The following TMEM236 variants were observed in gnomAD, a reference collection of about 807,000 sequenced individuals.
TMEM236 encodes the protein family with sequence similarity 23, member A.
TMEM236 carries 11 observed loss-of-function variants against 14.7 expected under a neutral mutation model. The ratio of observed to expected loss-of-function variants is 0.75; its 90% confidence interval spans 0.47 to 1.24. TMEM236 has a LOEUF of 1.24. Among genes scored for constraint, TMEM236 ranks in the 50% most tolerant of loss-of-function variants. The pLI, the probability that TMEM236 is intolerant of heterozygous loss-of-function variation, is 0.00. For missense variants in TMEM236, 464 were observed against 427.3 expected (o/e 1.09, Z -0.76); for synonymous variants, 182 against 168.6 (o/e 1.08, Z -0.62).
At position 17,800,829 on chromosome 10, in the gene TMEM236, C is replaced by A. The variant is rs1460416365; in HGVS notation, c.*4325C>A. The stretch of plus-strand genomic sequence containing the variant: ...AAAGACATTTTGTTTTACAATGGGG[C>A]TGTTTTTACATGTTAATTAAAATTC... On this transcript the variant is annotated 3_prime_UTR_variant, in exon 4 of 4. Coordinates refer to ENST00000377495, the MANE Select transcript of TMEM236 (RefSeq NM_001098844.3). 6.6e-6 allele frequency: 1 copy of A among 152,148 alleles called. No homozygotes were observed. The highest frequency in any genetic ancestry group is 2.4e-5 in the African/African-American group (1 of 41,430). The allele number at this position is 152,148 out of a possible 1,614,324, so 9.4% of individuals were successfully genotyped here.
At chr10:17,763,974 A>C (rs1334115290) in intron 1 of TMEM236, among the ~76,000 whole-genome samples, 2 of 152,172 alleles carry the variant, frequency 1.3e-5, no homozygotes, top group Non-Finnish European at 2.9e-5. Context: ...GTCGTATGTA[A>C]AATTATTTCC....
chr10:17,752,608 C>T, intron 1 of TMEM236, 56 bp downstream of exon 1: 1 of 1,575,164 alleles, frequency 6.3e-7, no homozygotes, highest in Non-Finnish European at 8.7e-7. Flanking sequence ...GCTCTGTCAC[C>T]CAGGCTGGAG....
rs1378724059 is a variant in TMEM236 at position 17,796,239 on chromosome 10, G to C, written c.791G>C (p.Ser264Thr). 3.0e-5 allele frequency: 49 copies of C among 1,613,836 alleles called. No homozygotes were observed. The highest frequency in any genetic ancestry group is 3.9e-5 in the Non-Finnish European group (46 of 1,179,874). Reference protein sequence around the residue: ...VAGHPNVYKSSWLYPVYIFSF... With the variant: ...VAGHPNVYKSTWLYPVYIFSF... ...GGTCACCCCAACGTGTACAAGTCAAGCTGGCTATACCCAGTCTACATATTC... is the reference window on the plus strand; with the variant it reads ...GGTCACCCCAACGTGTACAAGTCAACCTGGCTATACCCAGTCTACATATTC... Residue 264 changes from serine (S) to threonine (T), a missense_variant, in exon 4 of 4, where the codon AGC (serine) becomes ACC (threonine). Ser to Thr is a moderately conservative substitution (Grantham distance 58). Transcript: ENST00000377495.
intron 1 of TMEM236, among the ~76,000 whole-genome samples, chr10:17,763,672 G>A (rs1442112400): frequency 2.0e-5 from 3 of 152,158 alleles, no homozygotes; most frequent in African/African-American, 7.2e-5. Context: ...AGATGGGTGT[G>A]GGAGGGCATC....
At chr10:17,766,853 T>G (rs185574430) in intron 1 of TMEM236, among the ~76,000 whole-genome samples, 65,238 of 151,760 alleles carry the variant, frequency 0.43, 14,009 homozygotes, top group African/African-American at 0.48. Context: ...CTTGCTTCTG[T>G]TGTTTTTTTT....
chr10:17,796,139 C>A lies in TMEM236; in HGVS notation c.691C>A (p.Arg231=). The change falls in exon 4 of 4, where the codon CGA becomes AGA. Residue 231 remains arginine, a synonymous_variant. Coordinates refer to ENST00000377495, the MANE Select transcript of TMEM236 (RefSeq NM_001098844.3). The part of the protein sequence containing the change: ...DSGILRMMSR[R]DVRAELFLWS... ...CGGAATCCTGAGAATGATGTCCCGGCGAGATGTCCGGGCAGAGTTATTCTT... is the reference window on the plus strand; with the variant it reads ...CGGAATCCTGAGAATGATGTCCCGGAGAGATGTCCGGGCAGAGTTATTCTT... 6.2e-7 allele frequency: 1 copy of A among 1,613,834 alleles called. No homozygotes were observed. Among genetic ancestry groups the A allele is most frequent in the Non-Finnish European group, 8.5e-7 (1 of 1,179,842 alleles).
In TMEM236 at chr10:17,783,435, T is replaced by G. The variant is rs1055672786; in HGVS notation, c.472+7265T>G. 2.0e-5 allele frequency among the ~76,000 whole-genome samples: 3 copies of G among 152,282 alleles called. No homozygotes were observed. In the South Asian group the frequency reaches 6.2e-4, roughly 32 times the overall value. On this transcript the variant is annotated intron_variant, in intron 3 of 3. Transcript: ENST00000377495. The stretch of plus-strand genomic sequence containing the variant: ...TCCCTGCAAAGGAGGCGGTTTCCAC[T>G]ATCACATCAGCGAGAGGTGCCCGGT...
Position 17,796,023 on chromosome 10 carries a change from C to A in TMEM236, c.575C>A (p.Thr192Asn), listed in dbSNP as rs988526312. The change falls in exon 4 of 4, where the codon ACC (threonine) becomes AAC (asparagine). Residue 192 changes from threonine to asparagine, a missense_variant. Transcript: ENST00000377495. ...GAAAACGCTGCATCTCCCCAGGCAA[C>A]CAACAGCACCCAGGTGTCGCAGCCA... is the stretch of plus-strand genomic sequence containing the variant. ...SPENAASPQATNSTQVSQPSG... is the reference protein window; with the variant it reads ...SPENAASPQANNSTQVSQPSG... The A allele has an allele frequency of 2.5e-5, 40 of 1,613,820 alleles. No individual in the cohort carries two copies. The highest frequency in any genetic ancestry group is 3.1e-5 in the Non-Finnish European group (37 of 1,179,866).
At chr10:17,762,103 G>T (rs1357497196) in intron 1 of TMEM236, among the ~76,000 whole-genome samples, 1 of 152,166 alleles carries the variant, frequency 6.6e-6, no homozygotes, top group Admixed American at 6.5e-5. Flanking sequence ...ACTGCCACTT[G>T]TATGGTGACA....
At chr10:17,795,757 T>C (rs1838000999) in intron 3 of TMEM236, among the ~76,000 whole-genome samples, 164 bp from the exon 4 acceptor site, 1 of 152,202 alleles carries the variant, frequency 6.6e-6, no homozygotes, top group African/African-American at 2.4e-5. Context: ...CTGCATGTCC[T>C]GCACATGTAT....
chr10:17,783,924 T>C (rs1202395034), intron 3 of TMEM236, among the ~76,000 whole-genome samples: 1 of 152,174 alleles, frequency 6.6e-6, no homozygotes, highest in Non-Finnish European at 1.5e-5. Context: ...TGGCCATTTT[T>C]CTTTTATTTT....
intron 3 of TMEM236, among the ~76,000 whole-genome samples, chr10:17,789,164 A>T (rs1284737942): frequency 6.6e-6 from 1 of 152,172 alleles, no homozygotes; most frequent in Admixed American, 6.5e-5. Flanking sequence ...TCACCTGTGT[A>T]GGTTATATCT....
At chr10:17,757,489 C>A (rs1837300244) in intron 1 of TMEM236, among the ~76,000 whole-genome samples, 1 of 151,636 alleles carries the variant, frequency 6.6e-6, no homozygotes, top group African/African-American at 2.4e-5. Context: ...GTCTCAGCTG[C>A]TCTGGGAGCT....
At chr10:17,757,424 C>A (rs973308164) in intron 1 of TMEM236, among the ~76,000 whole-genome samples, 66 of 151,562 alleles carry the variant, frequency 4.4e-4, no homozygotes, top group African/African-American at 1.6e-3. Flanking sequence ...GTAGTGAGAC[C>A]CTGTCTCTAC....
intron 3 of TMEM236, among the ~76,000 whole-genome samples, chr10:17,780,945 A>T (rs2131756979): frequency 6.6e-6 from 1 of 152,234 alleles, no homozygotes; most frequent in Non-Finnish European, 1.5e-5. Context: ...ACTGGGTGTG[A>T]TGTTTACATA....
intron 1 of TMEM236, among the ~76,000 whole-genome samples, chr10:17,764,317 A>G (rs956308600): frequency 2.0e-5 from 3 of 152,080 alleles, no homozygotes; most frequent in Non-Finnish European, 2.9e-5. Flanking sequence ...GGTCCCTCTC[A>G]TTGCCAGTTT....
chr10:17,759,952 C>T (rs1405288582), intron 1 of TMEM236, among the ~76,000 whole-genome samples: 2 of 128,894 alleles, frequency 1.6e-5, no homozygotes, highest in Non-Finnish European at 3.1e-5. Flanking sequence ...CGCTGCAGTC[C>T]GGCCTGGACG....
intron 1 of TMEM236, among the ~76,000 whole-genome samples, chr10:17,761,351 C>G (rs35884983): frequency 0.051 from 7,792 of 152,026 alleles, 688 homozygotes; most frequent in African/African-American, 0.18. Flanking sequence ...TTTTCTCCCC[C>G]CTGCATTCCC....
chr10:17,783,923 T>A (rs1039003553), intron 3 of TMEM236, among the ~76,000 whole-genome samples: 9 of 152,182 alleles, frequency 5.9e-5, no homozygotes, highest in African/African-American at 1.9e-4. Context: ...ATGGCCATTT[T>A]TCTTTTATTT....
Sources: allele counts gnomAD v4.1 joint callset (sites outside exome capture counted in the v4.1 genomes callset), GRCh38; gene constraint gnomAD v4.1.1; transcripts MANE v1.5; gene names NCBI Gene and HGNC (gene_info 2026-07-23, HGNC 2026-07-21).